The following NALCN variants were observed in gnomAD, a reference collection of about 807,000 sequenced individuals.
NALCN encodes sodium leak channel NALCN.
A neutral mutation model predicts 225.3 loss-of-function variants in NALCN; 111 were observed. That is an observed-to-expected ratio of 0.49 (90% confidence interval 0.42 to 0.58). The LOEUF is 0.58. Among genes scored for constraint, NALCN ranks in the 20% least tolerant of loss-of-function variants. The probability of loss-of-function intolerance (pLI) is 0.00; values close to 1 mark genes in which losing one functional copy is unlikely to be tolerated. For missense variants in NALCN, 1,378 were observed against 2,202.4 expected (o/e 0.63, Z 7.49); for synonymous variants, 764 against 769.0 (o/e 0.99, Z 0.11).
At chr13:101,065,076 C>G (rs1289486882) in intron 40 of NALCN, among the ~76,000 whole-genome samples, 2 of 152,186 alleles carry the variant, frequency 1.3e-5, no homozygotes, top group African/African-American at 4.8e-5. Context: ...CTGGGCAGTT[C>G]CCGCATCACA....
chr13:101,356,925 C>A (rs189933057), intron 6 of NALCN, among the ~76,000 whole-genome samples: 59 of 152,260 alleles, frequency 3.9e-4, no homozygotes, highest in African/African-American at 1.4e-3. Flanking sequence ...TAAACAGAAC[C>A]AGAGACAAAA....
intron 7 of NALCN, among the ~76,000 whole-genome samples, chr13:101,338,204 G>C (rs2045444540): frequency 6.6e-6 from 1 of 152,166 alleles, no homozygotes; most frequent in Non-Finnish European, 1.5e-5. Flanking sequence ...TATACAGCTC[G>C]TGTAGTGTTA....
chr13:101,408,494 C>A (rs1290804432), intron 1 of NALCN, among the ~76,000 whole-genome samples: 1 of 152,162 alleles, frequency 6.6e-6, no homozygotes, highest in African/African-American at 2.4e-5. Context: ...AAGACAGCAT[C>A]AAAAAACTGA....
intron 6 of NALCN, 100 bp downstream of exon 6, chr13:101,376,600 C>T: frequency 8.2e-7 from 1 of 1,220,984 alleles, no homozygotes; most frequent in Admixed American, 2.3e-5. Flanking sequence ...AGGACATAAG[C>T]ACTGTTTAAA....
intron 2 of NALCN, among the ~76,000 whole-genome samples, chr13:101,396,153 C>T (rs1248897929): frequency 6.6e-6 from 1 of 151,948 alleles, no homozygotes; most frequent in Non-Finnish European, 1.5e-5. Context: ...TTTTCTTTAA[C>T]CCCAAAATAA....
intron 15 of NALCN, among the ~76,000 whole-genome samples, chr13:101,155,300 C>T (rs1208529810): frequency 1.3e-5 from 2 of 152,196 alleles, no homozygotes; most frequent in East Asian, 1.9e-4. Context: ...GAATGACTTT[C>T]GTCTGATCCA....
intron 1 of NALCN, among the ~76,000 whole-genome samples, chr13:101,405,546 T>C (rs553297377): frequency 1.3e-5 from 2 of 152,088 alleles, no homozygotes; most frequent in Admixed American, 1.3e-4. Flanking sequence ...ACTTCCCCTC[T>C]TTCTCTGAGC....
chr13:101,369,504 C>A (rs1034616755), intron 6 of NALCN, among the ~76,000 whole-genome samples: 1 of 152,154 alleles, frequency 6.6e-6, no homozygotes, highest in Non-Finnish European at 1.5e-5. Flanking sequence ...TTCTCAATTT[C>A]TGCGATCATT....
chr13:101,066,903 G>A (rs1167858539), intron 39 of NALCN, among the ~76,000 whole-genome samples: 2 of 152,084 alleles, frequency 1.3e-5, no homozygotes, highest in Admixed American at 1.3e-4. Context: ...GTTCAGACAT[G>A]AGGTCCCACA....
chr13:101,195,296 CA>C, intron 13 of NALCN, among the ~76,000 whole-genome samples: 1 of 152,322 alleles, frequency 6.6e-6, no homozygotes, highest in African/African-American at 2.4e-5. Flanking sequence ...CAACTCTTTA[CA>C]AATAAGAAAA....
At chr13:101,254,362 G>A (rs1464797459) in intron 11 of NALCN, among the ~76,000 whole-genome samples, 3 of 86,004 alleles carry the variant, frequency 3.5e-5, no homozygotes, top group Non-Finnish European at 4.1e-5. Context: ...AACAGAGTGG[G>A]ACTGTCTCAA....
chr13:101,103,767 T>C (rs962927323), intron 25 of NALCN, among the ~76,000 whole-genome samples: 5 of 152,166 alleles, frequency 3.3e-5, no homozygotes, highest in Non-Finnish European at 5.9e-5. Context: ...TCCTTGGACA[T>C]ACAGGAAAAA....
At chr13:101,359,093 T>C (rs2046149084) in intron 6 of NALCN, among the ~76,000 whole-genome samples, 1 of 152,062 alleles carries the variant, frequency 6.6e-6, no homozygotes, top group Admixed American at 6.6e-5. Context: ...GCTGAAAACA[T>C]AGATGATGGG....
chr13:101,169,602 C>G (rs1271989946), intron 15 of NALCN, among the ~76,000 whole-genome samples: 1 of 152,192 alleles, frequency 6.6e-6, no homozygotes, highest in Non-Finnish European at 1.5e-5. Flanking sequence ...AATGGATAAG[C>G]ATCTCATCCA....
At chr13:101,164,454 G>A (rs915296824) in intron 15 of NALCN, among the ~76,000 whole-genome samples, 10 of 152,000 alleles carry the variant, frequency 6.6e-5, no homozygotes, top group Admixed American at 6.6e-4. Flanking sequence ...ACCACACTGC[G>A]ATAATTTTTA....
intron 15 of NALCN, among the ~76,000 whole-genome samples, chr13:101,170,908 C>G (rs966673823): frequency 6.6e-6 from 1 of 152,088 alleles, no homozygotes; most frequent in Non-Finnish European, 1.5e-5. Flanking sequence ...AAAAGAAAAC[C>G]CTTTATATCT....
chr13:101,086,227 TATTTG>T (rs2033924239), intron 30 of NALCN, among the ~76,000 whole-genome samples: 1 of 152,040 alleles, frequency 6.6e-6, no homozygotes, highest in Non-Finnish European at 1.5e-5. Context: ...CCCCCTACTT[TATTTG>T]ATTTTACTTT....
Position 101,073,567 on chromosome 13 carries a change from T to C in NALCN, c.4197+17A>G, listed in dbSNP as rs756870330. The C allele has an allele frequency of 4.4e-6, 7 of 1,597,310 alleles. No homozygotes were observed. The highest frequency in any genetic ancestry group is 1.7e-5 in the Admixed American group (1 of 59,312). On this transcript the variant is annotated intron_variant, in intron 37 of 43. Transcript: ENST00000251127. The stretch of plus-strand genomic sequence containing the variant: ...TGATTCTAAGTCTAAGCCTTGTTCA[T>C]GATGAGAGATATTTACCATACAGTC...
chr13:101,140,391 C>G (rs1487173579), intron 17 of NALCN, among the ~76,000 whole-genome samples: 8 of 152,246 alleles, frequency 5.3e-5, no homozygotes, highest in African/African-American at 1.9e-4. Context: ...ATCACATTTC[C>G]TTTTAGAGAG....
Sources: allele counts gnomAD v4.1 joint callset (sites outside exome capture counted in the v4.1 genomes callset), GRCh38; gene constraint gnomAD v4.1.1; transcripts MANE v1.5; gene names NCBI Gene and HGNC (gene_info 2026-07-23, HGNC 2026-07-21).